Variants in SEMA5A observed in about 807,000 individuals in gnomAD.
SEMA5A encodes the protein semaphorin 5A.
Under a neutral mutation model 135.5 loss-of-function variants are expected in SEMA5A, and 55 were observed. That is an observed-to-expected ratio of 0.41 (90% CI 0.33 to 0.51). SEMA5A has a LOEUF of 0.51. Ranked by LOEUF, SEMA5A falls within the 20% of genes least tolerant of loss-of-function variation. The probability of loss-of-function intolerance (pLI) is 0.37; values close to 1 mark genes in which losing one functional copy is unlikely to be tolerated. For synonymous variants in SEMA5A, 580 were observed against 546.5 expected (o/e 1.06, Z -0.85); for missense variants, 1,290 against 1,419.9 (o/e 0.91, Z 1.47).
chr5:9,286,247 T>C (rs1318448853), intron 5 of SEMA5A, among the ~76,000 whole-genome samples: 1 of 152,216 alleles, frequency 6.6e-6, no homozygotes, highest in Non-Finnish European at 1.5e-5. Flanking sequence ...GAGCCTCTAT[T>C]TGATAATATG....
intron 6 of SEMA5A, among the ~76,000 whole-genome samples, chr5:9,235,572 G>C (rs147416296): frequency 6.7e-6 from 1 of 150,162 alleles, no homozygotes; most frequent in African/African-American, 2.4e-5. Flanking sequence ...TGTTAAGATC[G>C]GACGAGGAAA....
At chr5:9,154,746 C>G in intron 11 of SEMA5A, 51 bp from the exon 12 acceptor site, 4 of 1,495,160 alleles carry the variant, frequency 2.7e-6, no homozygotes, top group Non-Finnish European at 2.8e-6. Context: ...GTCTCACAAA[C>G]CAATCCCTGG....
At chr5:9,139,609 T>C (rs1741952617) in intron 12 of SEMA5A, among the ~76,000 whole-genome samples, 2 of 152,238 alleles carry the variant, frequency 1.3e-5, no homozygotes, top group Admixed American at 6.5e-5. Context: ...CTTTCATGAG[T>C]CATTCATTTT....
intron 1 of SEMA5A, among the ~76,000 whole-genome samples, chr5:9,460,684 G>T (rs1382520573): frequency 6.6e-6 from 1 of 152,132 alleles, no homozygotes; most frequent in African/African-American, 2.4e-5. Flanking sequence ...GAAACTGAAA[G>T]AAACATTCCA....
In SEMA5A at chr5:9,383,141, C is replaced by G. The variant is rs1805924; in HGVS notation, c.-77-3118G>C. Among the ~76,000 whole-genome samples, 534 of 152,328 alleles carry G rather than the reference C, an allele frequency of 3.5e-3. 7 individuals are homozygous for G. The highest frequency in any genetic ancestry group is 5.7e-3 in the Admixed American group (87 of 15,300). On this transcript the variant is annotated intron_variant, in intron 2 of 22. Coordinates refer to ENST00000382496, the MANE Select transcript of SEMA5A (RefSeq NM_003966.3). ...TTGTCCCTGGATTATAACATTAAAA[C>G]TATGAGTTTCACTTTTGAAAAGGAG...
chr5:9,275,291 G>A lies in SEMA5A; in HGVS notation c.271-37401C>T, dbSNP rs962408896. 4.6e-5 allele frequency among the ~76,000 whole-genome samples: 7 copies of A among 151,508 alleles called. No homozygotes were observed. In the South Asian group the frequency reaches 8.3e-4, roughly 18 times the overall value. ...CCCAAGACTAAACCAGGAAGAAGTC[G>A]AATCCTTGAGTAGACCAATAACAAG... On this transcript the variant is annotated intron_variant, in intron 5 of 22. Coordinates refer to ENST00000382496, the MANE Select transcript of SEMA5A (RefSeq NM_003966.3).
intron 3 of SEMA5A, among the ~76,000 whole-genome samples, chr5:9,377,961 A>G (rs1755436884): frequency 6.6e-6 from 1 of 152,178 alleles, no homozygotes; most frequent in Non-Finnish European, 1.5e-5. Flanking sequence ...ACTTGGATGG[A>G]GTCAGAAGAG....
chr5:9,468,975 G>A (rs1028646994), intron 1 of SEMA5A, among the ~76,000 whole-genome samples: 1 of 152,050 alleles, frequency 6.6e-6, no homozygotes, highest in African/African-American at 2.4e-5. Flanking sequence ...TGTTGGTGAG[G>A]CTTAAGAGTA....
intron 8 of SEMA5A, among the ~76,000 whole-genome samples, chr5:9,218,991 A>C (rs1746783471): frequency 6.6e-6 from 1 of 152,204 alleles, no homozygotes. Context: ...ACTAATACTT[A>C]TCATCTTCGT....
chr5:9,536,957 T>C (rs1362207719), intron 1 of SEMA5A, among the ~76,000 whole-genome samples: 1 of 152,168 alleles, frequency 6.6e-6, no homozygotes, highest in Non-Finnish European at 1.5e-5. Context: ...AAGTGAACAT[T>C]CGAGGCCCTT....
intron 3 of SEMA5A, among the ~76,000 whole-genome samples, chr5:9,344,946 A>G (rs996329436): frequency 6.6e-6 from 1 of 152,168 alleles, no homozygotes; most frequent in South Asian, 2.1e-4. Flanking sequence ...ATGCATGTGC[A>G]GTGAGCTGGA....
At chr5:9,336,276 G>A (rs1246131419) in intron 4 of SEMA5A, among the ~76,000 whole-genome samples, 1 of 152,166 alleles carries the variant, frequency 6.6e-6, no homozygotes, top group East Asian at 1.9e-4. Context: ...AAACAGGCAA[G>A]TCTGGAAGGG....
Position 9,226,902 on chromosome 5 carries a change from G to T in SEMA5A, c.399C>A (p.Thr133=). ...TGGTGCAGACAGGCGTGAATGCATT[G>T]GTCCCACAGGTGAATAACCGGTCGC... ...VGGDRLFTCG[T]NAFTPVCTNR... is the part of the protein sequence containing the mutation. The change falls in exon 7 of 23, where the codon ACC becomes ACA. Residue 133 remains threonine (T), a synonymous_variant. Transcript: ENST00000382496. 1.3e-6 allele frequency: 2 copies of T among 1,591,106 alleles called. No homozygotes were observed. Among genetic ancestry groups the T allele is most frequent in the East Asian group, 2.3e-5 (1 of 43,452 alleles).
chr5:9,226,031 G>C (rs1300146190), intron 7 of SEMA5A, among the ~76,000 whole-genome samples: 1 of 152,142 alleles, frequency 6.6e-6, no homozygotes, highest in East Asian at 1.9e-4. Context: ...AGATGTTGAG[G>C]ACTGAACCAT....
At position 9,042,891 on chromosome 5, in the gene SEMA5A, A is replaced by G; in HGVS notation, c.*6T>C. On this transcript the variant is annotated 3_prime_UTR_variant, in exon 23 of 23. Transcript: ENST00000382496. Reference sequence around the variant, plus strand: ...GATTTACAAGAAGCCAAAAACATGAAAGCTGTTAGTACTCATCATAATTAT... The same window carrying G: ...GATTTACAAGAAGCCAAAAACATGAGAGCTGTTAGTACTCATCATAATTAT... 1 of 1,613,622 alleles carries G rather than the reference A, an allele frequency of 6.2e-7. No homozygotes were observed. Among genetic ancestry groups the G allele is most frequent in the Non-Finnish European group, 8.5e-7 (1 of 1,179,854 alleles).
chr5:9,374,036 C>T (rs1340807324), intron 3 of SEMA5A, among the ~76,000 whole-genome samples: 1 of 152,164 alleles, frequency 6.6e-6, no homozygotes, highest in African/African-American at 2.4e-5. Flanking sequence ...TATTTTTCCC[C>T]TCTTTATTGG....
At chr5:9,248,556 C>CAAAAAAAAAA (rs57718636) in intron 5 of SEMA5A, among the ~76,000 whole-genome samples, 1 of 143,944 alleles carries the variant, frequency 6.9e-6, no homozygotes. Flanking sequence ...ACTCATACGG[C>CAAAAAAAAAA]AAAAAAAAAA....
intron 11 of SEMA5A, among the ~76,000 whole-genome samples, chr5:9,162,065 A>G (rs920377705): frequency 6.6e-6 from 1 of 152,274 alleles, no homozygotes; most frequent in Non-Finnish European, 1.5e-5. Context: ...ATTGATGGAC[A>G]GAAAGCAATC....
intron 2 of SEMA5A, among the ~76,000 whole-genome samples, chr5:9,424,755 T>C (rs920958406): frequency 6.6e-6 from 1 of 152,094 alleles, no homozygotes; most frequent in Non-Finnish European, 1.5e-5. Flanking sequence ...TCTTCCCCTC[T>C]CTCCAATGCC....
Sources: gnomAD v4.1 joint callset for allele counts (sites outside exome capture counted in the v4.1 genomes callset) on GRCh38, gnomAD v4.1.1 for gene constraint, MANE v1.5 for transcripts, NCBI Gene and HGNC (gene_info 2026-07-23, HGNC 2026-07-21) for gene names.